GPHN: variants seen among roughly 807,000 people sequenced by gnomAD.
The protein encoded by GPHN is gephyrin.
In GPHN, 17 loss-of-function variants were observed where a neutral mutation model predicts 95.5. That is an observed-to-expected ratio of 0.18 (90% CI 0.12 to 0.27). The LOEUF is 0.27. Ranked by LOEUF, GPHN falls within the 10% of genes least tolerant of loss-of-function variation. The pLI is 1.00. For synonymous variants in GPHN, 320 were observed against 322.5 expected (o/e 0.99, Z 0.08); for missense variants, 660 against 978.1 (o/e 0.67, Z 4.34).
intron 4 of GPHN, among the ~76,000 whole-genome samples, chr14:66,870,771 G>A (rs1164082593): frequency 6.6e-6 from 1 of 152,088 alleles, no homozygotes; most frequent in African/African-American, 2.4e-5. Context: ...AAACAAACTG[G>A]TAACATAGAA....
intron 1 of GPHN, among the ~76,000 whole-genome samples, chr14:66,667,942 G>C (rs1266411191): frequency 6.6e-6 from 1 of 152,084 alleles, no homozygotes; most frequent in Non-Finnish European, 1.5e-5. Context: ...AATACATTTA[G>C]AAGAAAAACC....
the GPHN span, among the ~76,000 whole-genome samples, chr14:67,260,680 T>C: frequency 2.0e-5 from 3 of 152,198 alleles, no homozygotes; most frequent in Admixed American, 6.6e-5. Flanking sequence ...AGAAACAATA[T>C]GTCAAAAGTT....
At chr14:67,573,142 C>A in the GPHN span, 1 of 620,866 alleles carries the variant, frequency 1.6e-6, no homozygotes, top group African/African-American at 1.8e-5. This position sits in a 1 kb window ranked among gnomAD's most constrained non-coding sequence, Gnocchi z 4.8. Flanking sequence ...TGAAAATACA[C>A]TGAGTAGGTA....
intron 2 of GPHN, among the ~76,000 whole-genome samples, chr14:66,750,096 A>G (rs1257185279): frequency 6.6e-6 from 1 of 151,916 alleles, no homozygotes; most frequent in African/African-American, 2.4e-5. Context: ...TTTTAATGAA[A>G]TCTAACCTAC....
intron 1 of GPHN, among the ~76,000 whole-genome samples, chr14:66,530,014 A>AGGG (rs1291522080): frequency 6.6e-6 from 1 of 152,186 alleles, no homozygotes; most frequent in Non-Finnish European, 1.5e-5. Context: ...GCTGGCAGGC[A>AGGG]GGGACGTTTA....
intron 1 of GPHN, among the ~76,000 whole-genome samples, chr14:66,514,100 A>G (rs1415675816): frequency 6.6e-6 from 1 of 152,016 alleles, no homozygotes; most frequent in African/African-American, 2.4e-5. Context: ...AAGGCTTAGA[A>G]TCTAAGCCAC....
intron 8 of GPHN, among the ~76,000 whole-genome samples, chr14:66,948,298 A>AG (rs1180895331): frequency 3.9e-5 from 6 of 152,176 alleles, no homozygotes; most frequent in African/African-American, 1.4e-4. Flanking sequence ...CTTGTAAAAA[A>AG]AAACAAGCTT....
the GPHN span, among the ~76,000 whole-genome samples, chr14:67,548,288 G>C: frequency 2.0e-5 from 3 of 152,152 alleles, no homozygotes; most frequent in African/African-American, 7.2e-5. Context: ...ATCCACAAAA[G>C]AGCTTTGTAG....
chr14:67,479,673 G>A, the GPHN span, among the ~76,000 whole-genome samples: 1 of 152,032 alleles, frequency 6.6e-6, no homozygotes, highest in African/African-American at 2.4e-5. Flanking sequence ...AGCCGAGATA[G>A]CGCCACTGCA....
chr14:67,456,087 C>T, the GPHN span, among the ~76,000 whole-genome samples: 2 of 152,120 alleles, frequency 1.3e-5, no homozygotes, highest in African/African-American at 4.8e-5. Context: ...GTCTAATATC[C>T]AGAATCTATA....
At chr14:67,383,222 TAAAG>T in the GPHN span, 28 of 1,390,086 alleles carry the variant, frequency 2.0e-5, no homozygotes, top group Non-Finnish European at 2.6e-5. Flanking sequence ...AGAAAAGTGT[TAAAG>T]AGAGAAAACA....
the GPHN span, among the ~76,000 whole-genome samples, chr14:67,663,402 G>A: frequency 2.6e-5 from 4 of 152,126 alleles, no homozygotes; most frequent in South Asian, 4.1e-4. Context: ...GGCTGGGCAC[G>A]GTGACTCACG....
the GPHN span, among the ~76,000 whole-genome samples, chr14:67,400,927 C>T: frequency 6.6e-6 from 1 of 151,746 alleles, no homozygotes; most frequent in African/African-American, 2.4e-5. Flanking sequence ...GAGTTTGAGG[C>T]TATAGTGAGC....
the GPHN span, among the ~76,000 whole-genome samples, chr14:67,400,306 C>T: frequency 6.6e-6 from 1 of 152,240 alleles, no homozygotes; most frequent in African/African-American, 2.4e-5. Context: ...TGAGAGGGTT[C>T]ATGCAGTCCA....
chr14:67,607,689 T>C, the GPHN span, among the ~76,000 whole-genome samples: 2 of 152,116 alleles, frequency 1.3e-5, no homozygotes, highest in African/African-American at 4.8e-5. Context: ...TTTAAAAAGC[T>C]CCCAAGTTAT....
At chr14:67,424,590 C>T in the GPHN span, among the ~76,000 whole-genome samples, 2 of 125,394 alleles carry the variant, frequency 1.6e-5, no homozygotes, top group Non-Finnish European at 1.6e-5. Flanking sequence ...CAGAAAAAGA[C>T]GCTGTTTAAA....
At position 67,000,896 on chromosome 14, in the gene GPHN, C is replaced by T. The variant is rs2153610632; in HGVS notation, c.964-22737C>T. ...TTGAGAAGAATTCTGTCTACTTGGG[C>T]ATACATTTTTAAATTTCCATAATAA... On this transcript the variant is annotated intron_variant, in intron 9 of 22. Coordinates refer to ENST00000478722, the MANE Select transcript of GPHN (RefSeq NM_020806.5). Among the ~76,000 whole-genome samples, 2 of 151,718 alleles carry T rather than the reference C, an allele frequency of 1.3e-5. 1 individual carries two copies. Among genetic ancestry groups the T allele is most frequent in the South Asian group, 4.1e-4 (2 of 4,822 alleles).
At chr14:66,807,010 C>G (rs113227482) in intron 3 of GPHN, among the ~76,000 whole-genome samples, 2,384 of 152,108 alleles carry the variant, frequency 0.016, 33 homozygotes, top group Non-Finnish European at 0.018. Context: ...ACCCGAGACT[C>G]GGCAATTTAC....
chr14:67,704,733 C>T, the GPHN span, among the ~76,000 whole-genome samples: 1 of 152,206 alleles, frequency 6.6e-6, no homozygotes, highest in African/African-American at 2.4e-5. Context: ...TACAAAGCTT[C>T]TATTTTACCC....
Sources: gnomAD v4.1 joint callset for allele counts (sites outside exome capture counted in the v4.1 genomes callset) on GRCh38, gnomAD v4.1.1 for gene constraint, Gnocchi (gnomAD v3.1) non-coding constraint, MANE v1.5 for transcripts, NCBI Gene and HGNC (gene_info 2026-07-23, HGNC 2026-07-21) for gene names.